ABHD12B: variants seen among roughly 807,000 people sequenced by gnomAD.
ABHD12B encodes abhydrolase domain containing 12B, also known as protein ABHD12B.
ABHD12B carries 42 observed loss-of-function variants against 50.4 expected under a neutral mutation model. The observed-to-expected ratio is 0.83, with a 90% CI of 0.65 to 1.08. The LOEUF (loss-of-function observed/expected upper bound fraction) is 1.08. Among genes scored for constraint, ABHD12B ranks in the 50% least tolerant of loss-of-function variants. The pLI, the probability that ABHD12B is intolerant of heterozygous loss-of-function variation, is 0.00. For missense variants in ABHD12B, 479 were observed against 447.7 expected (o/e 1.07, Z -0.63); for synonymous variants, 167 against 160.3 (o/e 1.04, Z -0.32).
intron 5 of ABHD12B, 139 bp from the exon 6 acceptor site, chr14:50,885,475 A>T: frequency 1.2e-6 from 1 of 807,924 alleles, no homozygotes; most frequent in South Asian, 1.8e-5. Flanking sequence ...TTCTGCAGTT[A>T]AAAAAAATAC....
chr14:50,904,714 C>A lies in ABHD12B; in HGVS notation c.*348C>A. On this transcript the variant is annotated 3_prime_UTR_variant, in exon 13 of 13. Transcript: ENST00000337334. ...GTCCGAATATCTGGGCCTGCCCCCCCAAATTATGCTGAAACCTAATCACCA... is the reference window on the plus strand; with the variant it reads ...GTCCGAATATCTGGGCCTGCCCCCCAAAATTATGCTGAAACCTAATCACCA... 5.6e-6 allele frequency: 2 copies of A among 358,836 alleles called. No individual in the cohort carries two copies. Among genetic ancestry groups the A allele is most frequent in the Non-Finnish European group, 1.0e-5 (2 of 191,282 alleles). 22.2% of individuals were successfully genotyped at this position (358,836 alleles called of 1,614,324 possible).
intron 9 of ABHD12B, chr14:50,892,505 C>T (rs72685325): frequency 0.13 from 130,636 of 985,236 alleles, 9,826 homozygotes; most frequent in East Asian, 0.43. Context: ...GGCGTAACCT[C>T]TTAGGAGTGA....
At chr14:50,894,107 C>T (rs1048826807) in intron 9 of ABHD12B, among the ~76,000 whole-genome samples, 5 of 151,418 alleles carry the variant, frequency 3.3e-5, no homozygotes, top group Non-Finnish European at 5.9e-5. Context: ...ACCCCAACCC[C>T]TTCTCTCCTT....
intron 1 of ABHD12B, among the ~76,000 whole-genome samples, chr14:50,874,839 AAC>A (rs1191472030): frequency 1.3e-5 from 2 of 152,262 alleles, no homozygotes; most frequent in Admixed American, 1.3e-4. Flanking sequence ...CAGTAAATAA[AAC>A]AGACAAAATC....
Position 50,888,838 on chromosome 14 carries a change from G to A in ABHD12B, c.715G>A (p.Ala239Thr). Residue 239 changes from alanine to threonine, a missense_variant, in exon 9 of 13, where the codon GCT becomes ACT. Ala to Thr is a moderately conservative substitution (Grantham distance 58, BLOSUM62 0). Transcript: ENST00000337334. The part of the protein sequence containing the change: ...VLEEKGCPVD[A>T]IVLEAPFTNM... ...TTCATTTCAAGGATGCCCAGTTGAT[G>A]CTATTGTCTTGGAAGCTCCATTTAC... The A allele has an allele frequency of 6.2e-7, 1 of 1,613,872 alleles. No homozygotes were observed. The highest frequency in any genetic ancestry group is 8.5e-7 in the Non-Finnish European group (1 of 1,179,908).
intron 5 of ABHD12B, among the ~76,000 whole-genome samples, chr14:50,884,146 G>T (rs2050000939): frequency 6.6e-6 from 1 of 152,174 alleles, no homozygotes; most frequent in Non-Finnish European, 1.5e-5. Context: ...CCCTGCATTT[G>T]CTTTAACTAA....
chr14:50,892,733 C>G (rs1379816736), intron 9 of ABHD12B: 2 of 322,720 alleles, frequency 6.2e-6, no homozygotes, highest in Non-Finnish European at 8.9e-6. Context: ...GTACTTAATA[C>G]CATCTAATAA....
intron 9 of ABHD12B, among the ~76,000 whole-genome samples, chr14:50,889,751 G>T (rs2050093035): frequency 6.6e-6 from 1 of 152,250 alleles, no homozygotes; most frequent in South Asian, 2.1e-4. Context: ...CAAATGAGAG[G>T]TGGGGAGAGA....
rs182476301 is a variant in ABHD12B at position 50,892,777 on chromosome 14, T to A, written c.780+3874T>A. 435 of 210,756 alleles carry A rather than the reference T, an allele frequency of 2.1e-3. 1 individual carries two copies. Among genetic ancestry groups the A allele is most frequent in the African/African-American group, 9.9e-3 (422 of 42,534 alleles). 13.1% of individuals were successfully genotyped at this position (210,756 alleles called of 1,614,324 possible). On this transcript the variant is annotated intron_variant, in intron 9 of 12. Coordinates refer to ENST00000337334, the MANE Select transcript of ABHD12B (RefSeq NM_001206673.2). Reference sequence around the variant, plus strand: ...TACTATTTTTTTCTAATTTATGTACTAAGGCATACTTCACCTAAACCACAC... The same window carrying A: ...TACTATTTTTTTCTAATTTATGTACAAAGGCATACTTCACCTAAACCACAC...
At chr14:50,903,535 A>T in intron 11 of ABHD12B, 68 bp downstream of exon 11, 3 of 1,362,930 alleles carry the variant, frequency 2.2e-6, no homozygotes, top group Non-Finnish European at 3.1e-6. Context: ...CATTCAGCCA[A>T]ACTTTGATTA....
chr14:50,898,060 G>A (rs2050219002), intron 9 of ABHD12B, among the ~76,000 whole-genome samples: 1 of 152,198 alleles, frequency 6.6e-6, no homozygotes, highest in Non-Finnish European at 1.5e-5. Flanking sequence ...GAAACAGAGC[G>A]AGGAACAGGT....
intron 3 of ABHD12B, 46 bp downstream of exon 3, chr14:50,878,893 T>C (rs1372481373): frequency 6.6e-7 from 1 of 1,508,956 alleles, no homozygotes; most frequent in Admixed American, 1.7e-5. Context: ...GGGCAGGTGT[T>C]CCTGTTAGGA....
chr14:50,885,862 C>T lies in ABHD12B; in HGVS notation c.629C>T (p.Pro210Leu), dbSNP rs1463422932. Residue 210 changes from proline (P) to leucine (L), a missense_variant, in exon 7 of 13, where the codon CCC becomes CTC. Pro to Leu is a moderately conservative substitution (Grantham distance 98). Transcript: ENST00000337334. The stretch of plus-strand genomic sequence containing the variant: ...ACCAAGGCAAGAAGTGGCATCACTC[C>T]CGTGTGTCTCTGGGGCCACTCTCTG... The part of the protein sequence containing the change: ...EWTKARSGIT[P>L]VCLWGHSLGT... 1.9e-6 allele frequency: 3 copies of T among 1,614,110 alleles called. No individual in the cohort carries two copies. Among genetic ancestry groups the T allele is most frequent in the Admixed American group, 1.7e-5 (1 of 60,022 alleles).
At chr14:50,900,480 C>T (rs1342420162) in intron 9 of ABHD12B, among the ~76,000 whole-genome samples, 2 of 152,012 alleles carry the variant, frequency 1.3e-5, no homozygotes, top group Non-Finnish European at 2.9e-5. Context: ...GATGGAGAAA[C>T]AGATAGAAGA....
At chr14:50,890,778 G>T (rs1271645202) in intron 9 of ABHD12B, among the ~76,000 whole-genome samples, 1 of 152,068 alleles carries the variant, frequency 6.6e-6, no homozygotes, top group East Asian at 1.9e-4. Flanking sequence ...GAATGTTCTT[G>T]AACCTGTATT....
At chr14:50,880,706 T>C in intron 4 of ABHD12B, 135 bp downstream of exon 4, 1 of 1,075,090 alleles carries the variant, frequency 9.3e-7, no homozygotes. Flanking sequence ...TGTTGAAATC[T>C]GAGGGTGTTC....
intron 4 of ABHD12B, 61 bp downstream of exon 4, chr14:50,880,632 G>T: frequency 6.8e-7 from 1 of 1,462,336 alleles, no homozygotes; most frequent in Non-Finnish European, 9.1e-7. Context: ...AGCCCCATGG[G>T]GGAATGAAGG....
chr14:50,898,264 T>C (rs546382854), intron 9 of ABHD12B, among the ~76,000 whole-genome samples: 3 of 152,326 alleles, frequency 2.0e-5, no homozygotes, highest in Admixed American at 6.5e-5. Context: ...TGCCTAATTG[T>C]CACATATCTT....
chr14:50,903,508 C>A (rs902061208), intron 11 of ABHD12B, 41 bp downstream of exon 11: 4 of 1,510,978 alleles, frequency 2.6e-6, no homozygotes, highest in Middle Eastern at 1.7e-4. Context: ...ATACTATACT[C>A]ATTTCACCAT....
Sources: gnomAD v4.1 joint callset for allele counts (sites outside exome capture counted in the v4.1 genomes callset) on GRCh38, gnomAD v4.1.1 for gene constraint, MANE v1.5 for transcripts, NCBI Gene and HGNC (gene_info 2026-07-23, HGNC 2026-07-21) for gene names.